The following ACSL6 variants were observed in gnomAD, a reference collection of about 807,000 sequenced individuals.
ACSL6 encodes the protein acyl-CoA synthetase long chain family member 6, also known as long-chain-fatty-acid--CoA ligase 6.
A neutral mutation model predicts 98.2 loss-of-function variants in ACSL6; 47 were observed. The ratio of observed to expected loss-of-function variants is 0.48; its 90% CI spans 0.38 to 0.61. The LOEUF (loss-of-function observed/expected upper bound fraction) is 0.61. Among genes scored for constraint, ACSL6 ranks in the 20% least tolerant of loss-of-function variants. ACSL6 has a pLI of 0.00. For missense variants in ACSL6, 761 were observed against 913.4 expected (o/e 0.83, Z 2.15); for synonymous variants, 362 against 336.9 (o/e 1.07, Z -0.82).
At chr5:131,981,937 A>G in intron 9 of ACSL6, 1 of 152,430 alleles carries the variant, frequency 6.6e-6, no homozygotes, top group Non-Finnish European at 1.5e-5. Context: ...GGCTCACTGC[A>G]ACCTCTGCCT....
At chr5:131,995,070 G>T (rs1754726342) in intron 1 of ACSL6, among the ~76,000 whole-genome samples, 1 of 152,136 alleles carries the variant, frequency 6.6e-6, no homozygotes, top group Non-Finnish European at 1.5e-5. Flanking sequence ...GCTCCCCGGG[G>T]GACCAACATC....
rs750417008 is a variant in ACSL6, at chr5:131,988,785, T to C, written c.652+20A>G. On this transcript the variant is annotated intron_variant, in intron 6 of 20. Transcript: ENST00000651883. ...TGGGGACCAGTTGCCAGTGGCAGGG[T>C]GGGGTGGCAGTGGGCTTACCTGTAT... 3 of 1,586,686 alleles carry C rather than the reference T, an allele frequency of 1.9e-6. No individual in the cohort carries two copies. The highest frequency in any genetic ancestry group is 2.6e-6 in the Non-Finnish European group (3 of 1,166,584).
rs1473759936 is a variant in ACSL6, at chr5:131,954,243, G to A, written c.2160C>T (p.Ile720=). ...GAACTTTCCTTGAACTTCACATGGA[G>A]ATTGAGTAAAGCTCTTCTATTTGTT... ...FKKQIEELYS[I]SM Residue 720 remains isoleucine, a synonymous_variant, in exon 21 of 21, where the codon ATC becomes ATT. Transcript: ENST00000651883. The A allele has an allele frequency of 6.2e-7, 1 of 1,612,254 alleles. No individual in the cohort carries two copies. The highest frequency in any genetic ancestry group is 1.1e-5 in the South Asian group (1 of 90,704).
Position 131,953,023 on chromosome 5 carries a change from A to T in ACSL6, c.*1211T>A, listed in dbSNP as rs1197246858. ...CATAGCATGGGCACATTGGGAATGG[A>T]AGACTAGAAGACCCCAGCAAGGAAT... On this transcript the variant is annotated 3_prime_UTR_variant, in exon 21 of 21. Transcript: ENST00000651883. The T allele has an allele frequency of 4.8e-6, 1 of 207,318 alleles. No homozygotes were observed. Among genetic ancestry groups the T allele is most frequent in the Non-Finnish European group, 9.8e-6 (1 of 101,856 alleles). 12.8% of individuals were successfully genotyped at this position (207,318 alleles called of 1,614,324 possible). A position where few individuals can be genotyped will look rare whatever the true frequency, so the allele number is the denominator to read the frequency against.
intron 18 of ACSL6, among the ~76,000 whole-genome samples, chr5:131,961,151 A>C (rs1752684362): frequency 6.6e-6 from 1 of 151,938 alleles, no homozygotes; most frequent in Non-Finnish European, 1.5e-5. Flanking sequence ...CAACCTCCCG[A>C]GTAGCTGGGA....
At chr5:131,981,643 A>G (rs879387601) in intron 9 of ACSL6, among the ~76,000 whole-genome samples, 1 of 152,216 alleles carries the variant, frequency 6.6e-6, no homozygotes, top group Non-Finnish European at 1.5e-5. Context: ...TTGTGGCATA[A>G]TGTTCTACTG....
chr5:131,982,207 G>A (rs1753940488), intron 9 of ACSL6: 1 of 137,700 alleles, frequency 7.3e-6, no homozygotes, highest in Admixed American at 7.3e-5. Flanking sequence ...GCAGTGGCGG[G>A]ATCTCGGCTC....
At position 131,951,032 on chromosome 5, in the gene ACSL6, C is replaced by G. The variant is rs1752132868; in HGVS notation, c.*3202G>C. 1 of 196,210 alleles carries G rather than the reference C, an allele frequency of 5.1e-6. No homozygotes were observed. The highest frequency in any genetic ancestry group is 2.3e-5 in the African/African-American group (1 of 43,224). 12.2% of individuals were successfully genotyped at this position (196,210 alleles called of 1,614,324 possible). A position where few individuals can be genotyped will look rare whatever the true frequency, so the allele number is the denominator to read the frequency against. On this transcript the variant is annotated 3_prime_UTR_variant, in exon 21 of 21. Transcript: ENST00000651883. ...CCCGTCTCTCATTTGCAAGGGAAGT[C>G]TCAATATTATATAAAGACATCTTCC...
chr5:131,963,541 T>A (rs1400936686), intron 17 of ACSL6, among the ~76,000 whole-genome samples: 1 of 152,192 alleles, frequency 6.6e-6, no homozygotes, highest in African/African-American at 2.4e-5. Flanking sequence ...CATGCTCCTA[T>A]ATGAAACTCA....
Position 131,994,135 on chromosome 5 carries a change from C to T in ACSL6, c.166G>A (p.Val56Met), listed in dbSNP as rs773584641. 1.1e-4 allele frequency: 175 copies of T among 1,614,096 alleles called. No individual in the cohort carries two copies. Among genetic ancestry groups the T allele is most frequent in the Non-Finnish European group, 1.4e-4 (166 of 1,180,052 alleles). The change falls in exon 2 of 21, where the codon GTG becomes ATG. Residue 56 changes from valine (V) to methionine (M), a missense_variant. Val to Met is a conservative substitution (Grantham distance 21). Transcript: ENST00000651883. ...ATGGCAGCCAGGGCACCCATACTCA[C>T]GAGGGTGGTGGCCGAGAGGCTGCGG... is the stretch of plus-strand genomic sequence containing the variant. Reference protein sequence around the residue: ...FFRSLSATTLVSMGALAAILA... With the variant: ...FFRSLSATTLMSMGALAAILA...
intron 20 of ACSL6, 53 bp from the exon 21 acceptor site, chr5:131,954,424 T>C: frequency 6.4e-7 from 1 of 1,566,872 alleles, no homozygotes; most frequent in Non-Finnish European, 8.6e-7. Flanking sequence ...ACAGTATTTA[T>C]AGTATACATG....
intron 9 of ACSL6, chr5:131,982,060 G>C (rs1561793980): frequency 6.7e-6 from 1 of 149,008 alleles, no homozygotes; most frequent in African/African-American, 2.5e-5. Context: ...GTTTCACCAT[G>C]TTAGCCAGGA....
At chr5:131,964,193 A>G (rs1341851265) in intron 17 of ACSL6, among the ~76,000 whole-genome samples, 1 of 152,226 alleles carries the variant, frequency 6.6e-6, no homozygotes, top group African/African-American at 2.4e-5. Flanking sequence ...ACAAAACCAT[A>G]ATAGGGTTGT....
intron 2 of ACSL6, 36 bp downstream of exon 2, chr5:131,993,995 T>C (rs766892954): frequency 1.1e-5 from 17 of 1,601,424 alleles, no homozygotes; most frequent in Admixed American, 5.0e-5. Flanking sequence ...CTCTGCCCCC[T>C]ACTTTCCGCA....
chr5:131,982,407 T>C (rs2126866409), intron 9 of ACSL6: 1 of 152,156 alleles, frequency 6.6e-6, no homozygotes, highest in Non-Finnish European at 1.5e-5. Context: ...CCTCCCAAAG[T>C]GCTGGGATTA....
chr5:131,987,982 C>A, intron 7 of ACSL6, 66 bp downstream of exon 7: 1 of 1,580,424 alleles, frequency 6.3e-7, no homozygotes, highest in Non-Finnish European at 8.6e-7. Context: ...GGACAGATAA[C>A]CAGAAGTTCT....
At chr5:132,007,343 C>T (rs1447031985) in intron 1 of ACSL6, among the ~76,000 whole-genome samples, 1 of 152,260 alleles carries the variant, frequency 6.6e-6, no homozygotes, top group Non-Finnish European at 1.5e-5. Context: ...AGTCCTATTG[C>T]CAATCTTCCC....
At chr5:131,969,615 T>A (rs1249596200) in intron 15 of ACSL6, among the ~76,000 whole-genome samples, 3 of 152,214 alleles carry the variant, frequency 2.0e-5, no homozygotes, top group Non-Finnish European at 4.4e-5. Flanking sequence ...CTACATGGCC[T>A]TGCTTATAGT....
intron 9 of ACSL6, among the ~76,000 whole-genome samples, chr5:131,980,964 C>G (rs559635724): frequency 6.6e-6 from 1 of 152,250 alleles, no homozygotes; most frequent in South Asian, 2.1e-4. Flanking sequence ...AACACATGCC[C>G]CCTTTAGACT....
Sources: gnomAD v4.1 joint callset for allele counts (sites outside exome capture counted in the v4.1 genomes callset) on GRCh38, gnomAD v4.1.1 for gene constraint, MANE v1.5 for transcripts, NCBI Gene and HGNC (gene_info 2026-07-23, HGNC 2026-07-21) for gene names.